MIGA1: variants seen among roughly 807,000 people sequenced by gnomAD.
MIGA1 encodes the protein mitoguardin 1, also known as family with sequence similarity 73, member A.
A neutral mutation model predicts 82.0 loss-of-function variants in MIGA1; 58 were observed. The ratio of observed to expected loss-of-function variants is 0.71; its 90% confidence interval spans 0.57 to 0.88. The LOEUF is 0.88. Among genes scored for constraint, MIGA1 ranks in the 40% least tolerant of loss-of-function variants. The pLI is 0.00. For missense variants in MIGA1, 751 were observed against 749.1 expected, an observed-to-expected ratio of 1.00 and a Z score of -0.03; for synonymous variants, 249 against 253.6, an observed-to-expected ratio of 0.98 and a Z score of 0.17.
intron 8 of MIGA1, among the ~76,000 whole-genome samples, chr1:77,854,151 A>G (rs1176549600): frequency 6.6e-6 from 1 of 152,120 alleles, no homozygotes; most frequent in East Asian, 1.9e-4. Context: ...TTGGTTTTCC[A>G]TTCCTGAGTT....
chr1:77,875,399 T>C lies in MIGA1; in HGVS notation c.*335T>C. On this transcript the variant is annotated 3_prime_UTR_variant, in exon 16 of 16. Transcript: ENST00000370791. ...GCTGTCATTCTCAAAAGCTCTGTTT[T>C]TATGCTTTGCACCTTTAAAATGTAC... 9.0e-6 allele frequency: 2 copies of C among 221,752 alleles called. No homozygotes were observed. Among genetic ancestry groups the C allele is most frequent in the Non-Finnish European group, 1.8e-5 (2 of 111,540 alleles). 13.7% of individuals were successfully genotyped at this position (221,752 alleles called of 1,614,324 possible).
At chr1:77,825,341 C>T (rs1046053177) in intron 7 of MIGA1, among the ~76,000 whole-genome samples, 8 of 152,150 alleles carry the variant, frequency 5.3e-5, no homozygotes, top group African/African-American at 1.7e-4. Flanking sequence ...AGGAGTTGTG[C>T]AATCACAAAC....
chr1:77,848,539 A>G (rs1376718993), intron 8 of MIGA1: 2 of 1,292,896 alleles, frequency 1.5e-6, no homozygotes, highest in East Asian at 2.3e-5. Flanking sequence ...TGACCAAGAA[A>G]GATCCAACAA....
At position 77,851,500 on chromosome 1, in the gene MIGA1, G is replaced by A. The variant is rs1043234170; in HGVS notation, c.997-7438G>A. ...TTCTAAAACCTTTTAAAACATGTTT[G>A]GGAATTTTGTTGAGAAATTCTTCCT... is the stretch of plus-strand genomic sequence containing the variant. On this transcript the variant is annotated intron_variant, in intron 8 of 15. Transcript: ENST00000370791. Among the ~76,000 whole-genome samples the A allele has an allele frequency of 9.9e-5, 15 of 152,120 alleles. 1 individual carries two copies. Among genetic ancestry groups the A allele is most frequent in the African/African-American group, 3.6e-4 (15 of 41,502 alleles).
chr1:77,784,341 C>T (rs1682053650), intron 2 of MIGA1, among the ~76,000 whole-genome samples: 1 of 152,156 alleles, frequency 6.6e-6, no homozygotes, highest in South Asian at 2.1e-4. Context: ...CCTCCCACTT[C>T]AGCCTCTCAA....
intron 2 of MIGA1, among the ~76,000 whole-genome samples, chr1:77,796,422 A>ATT (rs772449324): frequency 7.8e-5 from 11 of 141,768 alleles, no homozygotes; most frequent in African/African-American, 2.1e-4. Context: ...CCTGGTCTTA[A>ATT]TTTTTTTTTT....
chr1:77,790,535 G>A (rs954285418), intron 2 of MIGA1, among the ~76,000 whole-genome samples: 1 of 151,556 alleles, frequency 6.6e-6, no homozygotes, highest in African/African-American at 2.4e-5. Flanking sequence ...CAAAGTGCTG[G>A]GATTACAGGC....
intron 14 of MIGA1, among the ~76,000 whole-genome samples, chr1:77,867,065 T>TGA (rs1259035086): frequency 2.6e-5 from 4 of 152,192 alleles, no homozygotes; most frequent in African/African-American, 9.7e-5. Flanking sequence ...ATAGCTGCTT[T>TGA]ATTCAGTTTG....
rs1233686114 is a variant in MIGA1, at chr1:77,875,149, CAG to C, written c.*87_*88del. 20 of 1,093,924 alleles carry C rather than the reference CAG, an allele frequency of 1.8e-5. No homozygotes were observed. The South Asian group carries it at 2.6e-4, about 14-fold the overall frequency. The allele number at this position is 1,093,924 out of a possible 1,614,324, so 67.8% of individuals were successfully genotyped here. A position where few individuals can be genotyped will look rare whatever the true frequency, so the allele number is the denominator to read the frequency against. On this transcript the variant is annotated 3_prime_UTR_variant, in exon 16 of 16. Coordinates refer to ENST00000370791, the MANE Select transcript of MIGA1 (RefSeq NM_198549.4). The stretch of plus-strand genomic sequence containing the variant: ...TTTGTAACATATATTACAAAGTTAA[CAG>C]AATTGATGCATGTGGATTCAGGGAG...
chr1:77,874,195 A>C (rs1020105895), intron 15 of MIGA1, among the ~76,000 whole-genome samples: 1 of 152,160 alleles, frequency 6.6e-6, no homozygotes, highest in Admixed American at 6.5e-5. Flanking sequence ...GTGACATAAT[A>C]GCTGAGACTT....
Position 77,879,301 on chromosome 1 carries a change from CT to C in MIGA1, c.*4240del, listed in dbSNP as rs1452131104. On this transcript the variant is annotated 3_prime_UTR_variant, in exon 16 of 16. Coordinates refer to ENST00000370791, the MANE Select transcript of MIGA1 (RefSeq NM_198549.4). ...ATTAGTGGAAATAAGAACATCCCTA[CT>C]TTGTTCCTAATGAGTATATTATGTT... The C allele has an allele frequency of 6.6e-6, 1 of 152,136 alleles. No individual in the cohort carries two copies. The allele number at this position is 152,136 out of a possible 1,614,324, so 9.4% of individuals were successfully genotyped here. A position where few individuals can be genotyped will look rare whatever the true frequency, so the allele number is the denominator to read the frequency against.
chr1:77,859,044 C>G lies in MIGA1; in HGVS notation c.1103C>G (p.Ser368Cys), dbSNP rs1312899657. Residue 368 changes from serine to cysteine, a missense_variant, in exon 9 of 16, where the codon TCC becomes TGC. Ser to Cys is a moderately radical substitution (Grantham distance 112). Around this residue, in one of 3 missense-constraint regions of MIGA1, gnomAD observed 482 missense variants for 439.4 expected, o/e 1.10. Coordinates refer to ENST00000370791, the MANE Select transcript of MIGA1 (RefSeq NM_198549.4). ...TTAGTTGAAGAAGGAAAAATTTACT[C>G]CAGAGTACTGAGGTACCATTTCAGT... The G allele has an allele frequency of 3.1e-6, 5 of 1,595,422 alleles. No individual in the cohort carries two copies. Among genetic ancestry groups the G allele is most frequent in the South Asian group, 1.1e-5 (1 of 90,734 alleles).
intron 15 of MIGA1, among the ~76,000 whole-genome samples, chr1:77,873,562 C>G (rs1273483075): frequency 6.6e-6 from 1 of 152,056 alleles, no homozygotes; most frequent in African/African-American, 2.4e-5. Context: ...TGATAAAATC[C>G]AAGTTGTGAG....
chr1:77,801,796 G>A (rs1200222137), intron 3 of MIGA1, among the ~76,000 whole-genome samples: 1 of 152,058 alleles, frequency 6.6e-6, no homozygotes, highest in African/African-American at 2.4e-5. Flanking sequence ...TTATATACAA[G>A]TAAATTATTT....
chr1:77,856,178 T>G (rs1685248591), intron 8 of MIGA1, among the ~76,000 whole-genome samples: 1 of 152,254 alleles, frequency 6.6e-6, no homozygotes. Flanking sequence ...TAATTCTGTT[T>G]ATGTGGTGTG....
intron 5 of MIGA1, among the ~76,000 whole-genome samples, chr1:77,807,468 G>A (rs933160639): frequency 1.3e-5 from 2 of 152,084 alleles, no homozygotes; most frequent in African/African-American, 4.8e-5. Flanking sequence ...TTGGTGGTAA[G>A]TTGAAATTAA....
chr1:77,814,291 T>G (rs2101801587), intron 6 of MIGA1, among the ~76,000 whole-genome samples: 1 of 152,244 alleles, frequency 6.6e-6, no homozygotes, highest in Non-Finnish European at 1.5e-5. Context: ...TTCTTATTAG[T>G]CTTTTTCTAT....
chr1:77,801,681 A>G (rs1426033885), intron 3 of MIGA1, among the ~76,000 whole-genome samples, 173 bp downstream of exon 3: 3 of 152,224 alleles, frequency 2.0e-5, no homozygotes, highest in African/African-American at 4.8e-5. Context: ...ACAAAAAATT[A>G]AAATTACTTG....
chr1:77,847,448 A>G, intron 8 of MIGA1: 3 of 1,444,614 alleles, frequency 2.1e-6, no homozygotes, highest in South Asian at 2.3e-5. Flanking sequence ...TTGAGATCAG[A>G]AAAAAGGAAC....
Sources: allele counts gnomAD v4.1 joint callset (sites outside exome capture counted in the v4.1 genomes callset), GRCh38; gene constraint gnomAD v4.1.1; regional missense constraint gnomAD v4.1.1; transcripts MANE v1.5; gene names NCBI Gene and HGNC (gene_info 2026-07-23, HGNC 2026-07-21).